Variants in FLNB observed in about 807,000 individuals in gnomAD.
FLNB encodes filamin-B.
FLNB carries 111 observed loss-of-function variants against 250.6 expected under a neutral mutation model. The observed-to-expected ratio is 0.44, with a 90% CI of 0.38 to 0.52. The LOEUF is 0.52. FLNB is among the 20% of genes least tolerant of loss of function. FLNB has a pLI of 0.00. For synonymous variants in FLNB, 1,302 were observed against 1,372.1 expected (o/e 0.95, Z 1.13); for missense variants, 2,869 against 3,447.8 (o/e 0.83, Z 4.20).
In FLNB at chr3:58,089,737, G is replaced by A. The variant is rs114498900; in HGVS notation, c.788-5099G>A. Among the ~76,000 whole-genome samples the A allele has an allele frequency of 6.0e-3, 921 of 152,246 alleles. 11 individuals are homozygous for A. The highest frequency in any genetic ancestry group is 0.021 in the African/African-American group (861 of 41,538). ...TGAAATAAAAACTTATTGGATAAGC[G>A]CAATAGCAGGGTGGAAGGACAGAGA... On this transcript the variant is annotated intron_variant, in intron 4 of 45. Transcript: ENST00000295956.
At chr3:58,043,295 C>T (rs969809084) in intron 1 of FLNB, among the ~76,000 whole-genome samples, 8 of 151,524 alleles carry the variant, frequency 5.3e-5, no homozygotes, top group Non-Finnish European at 8.8e-5. Flanking sequence ...CCACCGTGTC[C>T]GGCTAATTTT....
At position 58,051,230 on chromosome 3, in the gene FLNB, A is replaced by G. The variant is rs562197707; in HGVS notation, c.293-25816A>G. Among the ~76,000 whole-genome samples, 169 of 152,298 alleles carry G rather than the reference A, an allele frequency of 1.1e-3. 2 individuals are homozygous for G. The highest frequency in any genetic ancestry group is 4.4e-3 in the South Asian group (21 of 4,824). ...GTGTAAGATTTCACTATTAGTGGCT[A>G]TTCTCTTTTACAGAAGAAAAAGGGA... is the stretch of plus-strand genomic sequence containing the variant. On this transcript the variant is annotated intron_variant, in intron 1 of 45. Coordinates refer to ENST00000295956, the MANE Select transcript of FLNB (RefSeq NM_001457.4).
At chr3:58,165,964 C>G (rs1342538416) in intron 43 of FLNB, 1 of 152,096 alleles carries the variant, frequency 6.6e-6, no homozygotes, top group Non-Finnish European at 1.5e-5. Context: ...TGAGAGACTT[C>G]TGCTTGTGGA....
chr3:58,016,617 C>T lies in FLNB; in HGVS notation c.292+7761C>T, dbSNP rs568906279. Among the ~76,000 whole-genome samples, 11 of 152,028 alleles carry T rather than the reference C, an allele frequency of 7.2e-5. No individual in the cohort carries two copies. In the South Asian group the frequency reaches 2.1e-3, roughly 29 times the overall value. On this transcript the variant is annotated intron_variant, in intron 1 of 45. Transcript: ENST00000295956. Reference sequence around the variant, plus strand: ...AAATCTGTTTTTTTCCTGGCTCTAACGGATTATCTTATGTCCCCTTGGGGT... The same window carrying T: ...AAATCTGTTTTTTTCCTGGCTCTAATGGATTATCTTATGTCCCCTTGGGGT...
rs1340791693 is a variant in FLNB, at chr3:58,172,116, G to C, written c.*1354G>C. 6.6e-6 allele frequency: 1 copy of C among 152,644 alleles called. No individual in the cohort carries two copies. The highest frequency in any genetic ancestry group is 1.5e-5 in the Non-Finnish European group (1 of 68,062). The allele number at this position is 152,644 out of a possible 1,614,324, so 9.5% of individuals were successfully genotyped here. A position where few individuals can be genotyped will look rare whatever the true frequency, so the allele number is the denominator to read the frequency against. Reference sequence around the variant, plus strand: ...GTTGGGGGTAAAAGCCCACCCTACAGAAAGTGGAACAGCCCGGAGCCTGAT... The same window carrying C: ...GTTGGGGGTAAAAGCCCACCCTACACAAAGTGGAACAGCCCGGAGCCTGAT... On this transcript the variant is annotated 3_prime_UTR_variant, in exon 46 of 46. Coordinates refer to ENST00000295956, the MANE Select transcript of FLNB (RefSeq NM_001457.4).
At chr3:58,106,186 C>T (rs560585421) in intron 11 of FLNB, among the ~76,000 whole-genome samples, 2 of 151,964 alleles carry the variant, frequency 1.3e-5, no homozygotes, top group African/African-American at 2.4e-5. Flanking sequence ...GACTGTGTAT[C>T]CTTGGTAATT....
chr3:58,026,653 A>C (rs2097124058), intron 1 of FLNB, among the ~76,000 whole-genome samples: 1 of 152,150 alleles, frequency 6.6e-6, no homozygotes, highest in Non-Finnish European at 1.5e-5. Flanking sequence ...GTTGGCGAGT[A>C]TTAGTCTTTG....
At chr3:58,019,837 G>A (rs1232145877) in intron 1 of FLNB, among the ~76,000 whole-genome samples, 1 of 152,180 alleles carries the variant, frequency 6.6e-6, no homozygotes, top group Non-Finnish European at 1.5e-5. Context: ...CCAGTTTTTG[G>A]AGACATTGCT....
At chr3:58,138,814 C>T (rs1459676953) in intron 29 of FLNB, among the ~76,000 whole-genome samples, 6 of 152,310 alleles carry the variant, frequency 3.9e-5, no homozygotes, top group Middle Eastern at 3.4e-3. Flanking sequence ...AAGATAACTC[C>T]TCAGAAAAAC....
intron 32 of FLNB, among the ~76,000 whole-genome samples, chr3:58,144,144 A>G (rs2097331868): frequency 1.3e-5 from 2 of 152,256 alleles, no homozygotes; most frequent in African/African-American, 4.8e-5. Flanking sequence ...TAGGTAACAC[A>G]TTCTCATGGT....
chr3:58,057,129 C>T (rs2097171825), intron 1 of FLNB, among the ~76,000 whole-genome samples: 1 of 152,140 alleles, frequency 6.6e-6, no homozygotes, highest in Admixed American at 6.5e-5. Context: ...GCACGTGCCA[C>T]CATGCCTGGT....
At chr3:58,058,505 A>T (rs924506183) in intron 1 of FLNB, among the ~76,000 whole-genome samples, 2 of 152,232 alleles carry the variant, frequency 1.3e-5, no homozygotes, top group Non-Finnish European at 2.9e-5. Flanking sequence ...CCTCAAAATC[A>T]TCGCCTGTTG....
chr3:58,032,859 G>A (rs1000433480), intron 1 of FLNB, among the ~76,000 whole-genome samples: 1 of 152,086 alleles, frequency 6.6e-6, no homozygotes. Flanking sequence ...CTTGAGCCTG[G>A]GAATTCAGGA....
At chr3:58,043,788 C>T (rs2097149627) in intron 1 of FLNB, among the ~76,000 whole-genome samples, 1 of 152,182 alleles carries the variant, frequency 6.6e-6, no homozygotes, top group Admixed American at 6.5e-5. Context: ...ATGTGCCCAG[C>T]TCTGAGCCAA....
intron 10 of FLNB, among the ~76,000 whole-genome samples, chr3:58,104,494 C>T (rs1035262112): frequency 1.3e-5 from 2 of 152,252 alleles, no homozygotes; most frequent in Non-Finnish European, 2.9e-5. Context: ...GGCCAAGGGA[C>T]GCAGTCTACA....
At chr3:58,149,680 G>A (rs756735719) in intron 36 of FLNB, 170 bp from the exon 37 acceptor site, 19 of 746,088 alleles carry the variant, frequency 2.5e-5, no homozygotes, top group Non-Finnish European at 3.4e-5. Context: ...TTCTCAGGAC[G>A]CTTAACCTAC....
At position 58,148,873 on chromosome 3, in the gene FLNB, G is replaced by A. The variant is rs750980376; in HGVS notation, c.6091+21G>A. On this transcript the variant is annotated intron_variant, in intron 36 of 45. Coordinates refer to ENST00000295956, the MANE Select transcript of FLNB (RefSeq NM_001457.4). ...TGCAGGTCTGTGTGGTCCCAGGGGA[G>A]AGGCCCAGAGCTTGTGGGAACCGAC... 3.1e-6 allele frequency: 5 copies of A among 1,603,808 alleles called. No homozygotes were observed. The East Asian group carries it at 8.9e-5, about 29-fold the overall frequency.
chr3:58,075,408 C>G (rs926588596), intron 1 of FLNB, among the ~76,000 whole-genome samples: 1 of 152,078 alleles, frequency 6.6e-6, no homozygotes, highest in Non-Finnish European at 1.5e-5. Flanking sequence ...GTCTTCCCAT[C>G]AAAGGGATAG....
intron 3 of FLNB, among the ~76,000 whole-genome samples, chr3:58,079,998 C>T (rs2097206956): frequency 6.6e-6 from 1 of 152,218 alleles, no homozygotes; most frequent in Non-Finnish European, 1.5e-5. Flanking sequence ...CGTCCACCCT[C>T]AGGAAGTGGT....
Sources: gnomAD v4.1 joint callset for allele counts (sites outside exome capture counted in the v4.1 genomes callset) on GRCh38, gnomAD v4.1.1 for gene constraint, MANE v1.5 for transcripts, NCBI Gene and HGNC (gene_info 2026-07-23, HGNC 2026-07-21) for gene names.